The following HAPLN1 variants were observed in gnomAD, a reference collection of about 807,000 sequenced individuals.
HAPLN1 encodes Cartilage link protein.
A neutral mutation model predicts 36.5 loss-of-function variants in HAPLN1; 13 were observed. The observed-to-expected ratio is 0.36, with a 90% CI of 0.23 to 0.57. The LOEUF is 0.57. Ranked by LOEUF, HAPLN1 falls within the 20% of genes least tolerant of loss-of-function variation. HAPLN1 has a pLI of 0.83. For missense variants in HAPLN1, 407 were observed against 439.7 expected (o/e 0.93, Z 0.66); for synonymous variants, 202 against 169.8 (o/e 1.19, Z -1.48).
At chr5:83,676,052 C>T (rs1337217045) in intron 1 of HAPLN1, among the ~76,000 whole-genome samples, 1 of 152,050 alleles carries the variant, frequency 6.6e-6, no homozygotes, top group African/African-American at 2.4e-5. Flanking sequence ...ATTGAGAAGG[C>T]AGTCAGGTGG....
chr5:83,679,058 C>T (rs184844127), intron 1 of HAPLN1, among the ~76,000 whole-genome samples: 492 of 152,240 alleles, frequency 3.2e-3, no homozygotes, highest in Non-Finnish European at 3.9e-3. Context: ...GCAATATATA[C>T]CAACATATTT....
chr5:83,691,628 C>T (rs890180742), intron 1 of HAPLN1, among the ~76,000 whole-genome samples: 6 of 151,826 alleles, frequency 4.0e-5, no homozygotes, highest in African/African-American at 4.8e-5. Context: ...CTCTGAACAA[C>T]GTATAGTAAT....
chr5:83,664,353 G>C (rs1013774096), intron 2 of HAPLN1, among the ~76,000 whole-genome samples: 3 of 151,930 alleles, frequency 2.0e-5, no homozygotes, highest in Non-Finnish European at 4.4e-5. Flanking sequence ...TGCCCCCTCA[G>C]TGCTCTCTCA....
rs77130162 is a variant in HAPLN1 at position 83,675,974 on chromosome 5, A to G, written c.-26-2425T>C. ...TTTTTAAATTCAAGCTCTTTAACTT[A>G]CAACTATGATCTTAAGACTTTGACT... On this transcript the variant is annotated intron_variant, in intron 1 of 4. Transcript: ENST00000274341. Among the ~76,000 whole-genome samples the G allele has an allele frequency of 8.8e-3, 1,338 of 152,332 alleles. 27 individuals carry two copies. The highest frequency in any genetic ancestry group is 0.03 in the African/African-American group (1,266 of 41,564).
intron 1 of HAPLN1, among the ~76,000 whole-genome samples, chr5:83,711,191 G>A (rs1343347053): frequency 6.6e-6 from 1 of 152,196 alleles, no homozygotes; most frequent in Non-Finnish European, 1.5e-5. Context: ...AGGCAAGACA[G>A]TGAGAGGGTG....
At chr5:83,667,195 T>C (rs1024022514) in intron 2 of HAPLN1, among the ~76,000 whole-genome samples, 1 of 152,190 alleles carries the variant, frequency 6.6e-6, no homozygotes, top group Non-Finnish European at 1.5e-5. Flanking sequence ...TTTACATATG[T>C]ATGTATACTC....
At chr5:83,671,621 G>A (rs1451292194) in intron 2 of HAPLN1, among the ~76,000 whole-genome samples, 1 of 152,042 alleles carries the variant, frequency 6.6e-6, no homozygotes, top group African/African-American at 2.4e-5. Context: ...AAGAACTATG[G>A]GATTTGAAAA....
chr5:83,646,299 G>A (rs927385877), intron 3 of HAPLN1, among the ~76,000 whole-genome samples: 1 of 152,146 alleles, frequency 6.6e-6, no homozygotes, highest in African/African-American at 2.4e-5. Context: ...TAGTATTTTG[G>A]CATCTGGAAT....
chr5:83,675,681 A>C (rs779135570), intron 1 of HAPLN1, among the ~76,000 whole-genome samples: 8 of 152,202 alleles, frequency 5.3e-5, no homozygotes, highest in Non-Finnish European at 1.0e-4. Context: ...AACCTAATTT[A>C]AAATTGTAAA....
chr5:83,657,384 C>A (rs562793158), intron 2 of HAPLN1, among the ~76,000 whole-genome samples: 13 of 152,246 alleles, frequency 8.5e-5, no homozygotes, highest in African/African-American at 3.1e-4. Flanking sequence ...AGGCGTGAGC[C>A]ACAAAGTTTC....
At chr5:83,647,127 T>C (rs529227050) in intron 3 of HAPLN1, among the ~76,000 whole-genome samples, 51 of 152,358 alleles carry the variant, frequency 3.3e-4, no homozygotes, top group African/African-American at 1.1e-3. Flanking sequence ...TCTCTAGTAA[T>C]TTGTCCTTGA....
intron 2 of HAPLN1, among the ~76,000 whole-genome samples, chr5:83,671,657 A>C (rs144833052): frequency 2.0e-5 from 3 of 152,326 alleles, no homozygotes; most frequent in Non-Finnish European, 4.4e-5. Context: ...ATCACAAAAA[A>C]ATTGTTGGGA....
chr5:83,655,171 A>G (rs1750177465), intron 2 of HAPLN1, among the ~76,000 whole-genome samples: 2 of 152,210 alleles, frequency 1.3e-5, no homozygotes, highest in African/African-American at 4.8e-5. Flanking sequence ...AGAGTTGGAA[A>G]TTTGGGAGGT....
At chr5:83,679,750 A>G (rs1750956317) in intron 1 of HAPLN1, among the ~76,000 whole-genome samples, 1 of 152,186 alleles carries the variant, frequency 6.6e-6, no homozygotes, top group Non-Finnish European at 1.5e-5. Context: ...GAAAGGTAGA[A>G]TTTAGTTTCA....
At chr5:83,720,715 T>G (rs1422801012) in intron 1 of HAPLN1, 74 bp downstream of exon 1, 1 of 152,164 alleles carries the variant, frequency 6.6e-6, no homozygotes, top group African/African-American at 2.4e-5. Context: ...ATACATTGCA[T>G]GTGTATTGCC....
Position 83,676,158 on chromosome 5 carries a change from A to G in HAPLN1, c.-26-2609T>C, listed in dbSNP as rs1241688618. On this transcript the variant is annotated intron_variant, in intron 1 of 4. Coordinates refer to ENST00000274341, the MANE Select transcript of HAPLN1 (RefSeq NM_001884.4). ...GGTTCACATGTGTGCACACATACACAGAGATATGCACACATACACAGAGAT... is the reference window on the plus strand; with the variant it reads ...GGTTCACATGTGTGCACACATACACGGAGATATGCACACATACACAGAGAT... Among the ~76,000 whole-genome samples, 6 of 142,938 alleles carry G rather than the reference A, an allele frequency of 4.2e-5. No individual in the cohort carries two copies. The East Asian group carries it at 9.8e-4, about 23-fold the overall frequency. 93.8% of individuals were successfully genotyped at this position (142,938 alleles called of 152,430 possible). A position where few individuals can be genotyped will look rare whatever the true frequency, so the allele number is the denominator to read the frequency against.
intron 4 of HAPLN1, among the ~76,000 whole-genome samples, chr5:83,643,345 C>A (rs1315793013): frequency 6.1e-5 from 7 of 115,530 alleles, no homozygotes; most frequent in African/African-American, 1.3e-4. Flanking sequence ...CAGGGTGATA[C>A]CCTGTCTTAA....
chr5:83,700,519 G>T (rs746452606), intron 1 of HAPLN1, among the ~76,000 whole-genome samples: 21 of 152,004 alleles, frequency 1.4e-4, no homozygotes, highest in Non-Finnish European at 2.6e-4. Flanking sequence ...AGAAAATTTT[G>T]CAAATGAGGA....
intron 1 of HAPLN1, among the ~76,000 whole-genome samples, chr5:83,684,181 C>T (rs947161237): frequency 2.6e-5 from 4 of 152,094 alleles, no homozygotes; most frequent in African/African-American, 9.7e-5. Context: ...ACAATCTGAG[C>T]ATATCCAAAG....
Sources: allele counts gnomAD v4.1 joint callset (sites outside exome capture counted in the v4.1 genomes callset), GRCh38; gene constraint gnomAD v4.1.1; transcripts MANE v1.5; gene names NCBI Gene and HGNC (gene_info 2026-07-23, HGNC 2026-07-21).